Variants in ANKRD36C observed in about 807,000 individuals in gnomAD.
ANKRD36C encodes ankyrin repeat domain 36C, also known as ankyrin repeat domain-containing protein 36C.
ANKRD36C carries 61 observed loss-of-function variants against 276.4 expected under a neutral mutation model. The observed-to-expected ratio is 0.22, with a 90% CI of 0.18 to 0.27. ANKRD36C has a LOEUF of 0.27. Among genes scored for constraint, ANKRD36C ranks in the 10% least tolerant of loss-of-function variants. The pLI is 1.00. For synonymous variants in ANKRD36C, 483 were observed against 680.1 expected (o/e 0.71, Z 4.51); for missense variants, 1,447 against 2,032.3 (o/e 0.71, Z 5.54).
chr2:95,920,982 T>G (rs1387106153), intron 34 of ANKRD36C, among the ~76,000 whole-genome samples: 1 of 150,326 alleles, frequency 6.7e-6, no homozygotes, highest in African/African-American at 2.5e-5. Context: ...TCTAGCATTG[T>G]TTCCTGCTTC....
chr2:95,928,057 C>T (rs1433995966), intron 26 of ANKRD36C, among the ~76,000 whole-genome samples: 1 of 151,652 alleles, frequency 6.6e-6, no homozygotes, highest in Non-Finnish European at 1.5e-5. Flanking sequence ...CTCTTGGCAA[C>T]AAACGATAAT....
In ANKRD36C at chr2:95,921,602, A is replaced by C; in HGVS notation, c.2245+5T>G. On this transcript the variant is annotated splice_donor_5th_base_variant and intron_variant, in intron 34 of 66. Transcript: ENST00000456556. Reference sequence around the variant, plus strand: ...CATGACATTAAATGTCTTTTGCAAAATTACCTGTCCCAGATTTTTCTCCAT... The same window carrying C: ...CATGACATTAAATGTCTTTTGCAAACTTACCTGTCCCAGATTTTTCTCCAT... 1 of 1,604,504 alleles carries C rather than the reference A, an allele frequency of 6.2e-7. No homozygotes were observed. Among genetic ancestry groups the C allele is most frequent in the East Asian group, 2.3e-5 (1 of 44,182 alleles).
chr2:95,944,856 G>A lies in ANKRD36C; in HGVS notation c.1424-162C>T, dbSNP rs573846830. On this transcript the variant is annotated intron_variant, in intron 18 of 66. Coordinates refer to ENST00000456556, the Ensembl canonical transcript of ANKRD36C. ...TGTTCAAGACCAGCCTGGCCAACAT[G>A]GTGAAACTCCATCTCTACCAAAAAT... 5.2e-5 allele frequency among the ~76,000 whole-genome samples: 8 copies of A among 152,390 alleles called. No homozygotes were observed. The South Asian group carries it at 1.0e-3, about 20-fold the overall frequency.
At chr2:95,964,538 CAT>C (rs1678547689) in intron 6 of ANKRD36C, among the ~76,000 whole-genome samples, 3 of 152,200 alleles carry the variant, frequency 2.0e-5, no homozygotes, top group Admixed American at 2.0e-4. Flanking sequence ...CATTCTGACA[CAT>C]GTGAAGATAA....
At position 95,886,039 on chromosome 2, in the gene ANKRD36C, C is replaced by G; in HGVS notation, c.3163+9G>C. The G allele has an allele frequency of 6.2e-7, 1 of 1,606,352 alleles. No individual in the cohort carries two copies. On this transcript the variant is annotated intron_variant, in intron 52 of 66. Transcript: ENST00000456556. ...TCGAACATTACATTAAAGGTGTATT[C>G]CAAAATACCTGTCCCACGTATTTGT...
chr2:95,919,863 G>A (rs1327406909), intron 34 of ANKRD36C, 29 bp downstream of exon 35: 9 of 1,544,428 alleles, frequency 5.8e-6, no homozygotes, highest in Non-Finnish European at 7.9e-6. Flanking sequence ...ATGTGTCATA[G>A]ACTACAATGT....
At position 95,891,813 on chromosome 2, in the gene ANKRD36C, T is replaced by C; in HGVS notation, c.2784+19A>G. ...ACTATACATTTACTAGTTCACAATATAAATGACAGTTTCATTACCTTCAAG... is the reference window on the plus strand; with the variant it reads ...ACTATACATTTACTAGTTCACAATACAAATGACAGTTTCATTACCTTCAAG... On this transcript the variant is annotated intron_variant, in intron 45 of 66. Transcript: ENST00000456556. 6.4e-7 allele frequency: 1 copy of C among 1,559,380 alleles called. No homozygotes were observed. The highest frequency in any genetic ancestry group is 1.2e-5 in the South Asian group (1 of 84,964).
intron 6 of ANKRD36C, among the ~76,000 whole-genome samples, chr2:95,965,944 C>A (rs1678581676): frequency 6.6e-6 from 1 of 152,002 alleles, no homozygotes. Flanking sequence ...TGGGTGATTT[C>A]TTTTTCTTTT....
At chr2:95,976,491 G>A (rs2258162) in intron 6 of ANKRD36C, among the ~76,000 whole-genome samples, 2 of 152,154 alleles carry the variant, frequency 1.3e-5, no homozygotes, top group Non-Finnish European at 1.5e-5. Flanking sequence ...CTTATCAGGG[G>A]TTTCAGTACA....
At chr2:95,876,728 T>C (rs1382733212) in intron 58 of ANKRD36C, among the ~76,000 whole-genome samples, 15 of 144,166 alleles carry the variant, frequency 1.0e-4, no homozygotes, top group Admixed American at 2.9e-4. Context: ...GGTGGGCGCC[T>C]GTAGTCCCAG....
Position 95,986,940 on chromosome 2 carries a change from C to A in ANKRD36C, c.313-16G>T, listed in dbSNP as rs1421084177. The A allele has an allele frequency of 1.2e-6, 2 of 1,612,858 alleles. No homozygotes were observed. Among genetic ancestry groups the A allele is most frequent in the Admixed American group, 1.7e-5 (1 of 59,940 alleles). ...GTTGTACAGCCTGTCAGTATTAGAC[C>A]GAGAAACATGCAAATATTGAAAAAT... On this transcript the variant is annotated splice_polypyrimidine_tract_variant and intron_variant, in intron 2 of 66. Coordinates refer to ENST00000456556, the Ensembl canonical transcript of ANKRD36C.
chr2:95,926,572 G>A (rs1256341236), intron 28 of ANKRD36C, among the ~76,000 whole-genome samples: 1 of 151,482 alleles, frequency 6.6e-6, no homozygotes, highest in Non-Finnish European at 1.5e-5. Flanking sequence ...CAGTAACAAA[G>A]AGGAGTAATG....
intron 8 of ANKRD36C, among the ~76,000 whole-genome samples, chr2:95,961,905 G>T (rs1476016141): frequency 6.6e-6 from 1 of 151,776 alleles, no homozygotes; most frequent in African/African-American, 2.4e-5. Flanking sequence ...CCTCTTCCTT[G>T]AGTAAAATAA....
intron 3 of ANKRD36C, among the ~76,000 whole-genome samples, chr2:95,985,636 C>T (rs1416467776): frequency 2.6e-5 from 4 of 152,132 alleles, no homozygotes; most frequent in Non-Finnish European, 5.9e-5. Context: ...TTAATTTCCC[C>T]AGGTTACTGC....
intron 34 of ANKRD36C, among the ~76,000 whole-genome samples, chr2:95,920,588 G>A (rs1187548165): frequency 7.6e-6 from 1 of 132,194 alleles, no homozygotes; most frequent in African/African-American, 2.6e-5. Context: ...TGGCACCAAA[G>A]GATAATATAT....
chr2:95,853,944 G>A (rs2141312), intron 63 of ANKRD36C, 83 bp from the exon 84 acceptor site: 31 of 1,497,378 alleles, frequency 2.1e-5, no homozygotes, highest in East Asian at 2.5e-5. Flanking sequence ...TAAAGCATAC[G>A]CTTTGAAAAA....
At chr2:95,911,219 C>T (rs1242058802) in intron 42 of ANKRD36C, among the ~76,000 whole-genome samples, 2 of 151,420 alleles carry the variant, frequency 1.3e-5, no homozygotes, top group Non-Finnish European at 3.0e-5. Context: ...GTTTCTTCAT[C>T]CACTCATGGC....
At chr2:95,853,807 C>T (rs763661981) in exon 64 of ANKRD36C, 13 of 1,608,138 alleles carry the variant, frequency 8.1e-6, no homozygotes, top group East Asian at 4.5e-5. Context: ...GCTTTTGTTG[C>T]TGATCGTTTG....
chr2:95,885,197 A>T (rs1163757642), intron 52 of ANKRD36C, among the ~76,000 whole-genome samples: 1 of 151,574 alleles, frequency 6.6e-6, no homozygotes, highest in East Asian at 1.9e-4. Flanking sequence ...AGAATTCCAC[A>T]TACTTTTTGT....
Sources: allele counts gnomAD v4.1 joint callset (sites outside exome capture counted in the v4.1 genomes callset), GRCh38; gene constraint gnomAD v4.1.1; transcripts MANE v1.5; gene names NCBI Gene and HGNC (gene_info 2026-07-23, HGNC 2026-07-21).